Variants in CNFN observed in about 807,000 individuals in gnomAD.
CNFN encodes the protein cornefied envelope protein cornefilin.
Under a neutral mutation model 14.9 loss-of-function variants are expected in CNFN, and 10 were observed. The ratio of observed to expected loss-of-function variants is 0.67; its 90% CI spans 0.41 to 1.14. CNFN has a LOEUF of 1.14. Among genes scored for constraint, CNFN ranks in the 50% most tolerant of loss-of-function variants. The pLI is 0.00. For synonymous variants in CNFN, 66 were observed against 60.0 expected (o/e 1.10, Z -0.46); for missense variants, 165 against 152.8 (o/e 1.08, Z -0.42).
At position 42,387,360 on chromosome 19, in the gene CNFN, G is replaced by C; in HGVS notation, c.229C>G (p.Arg77Gly). The C allele has an allele frequency of 6.3e-7, 1 of 1,597,114 alleles. No homozygotes were observed. The change falls in exon 3 of 4, where the codon CGG (arginine) becomes GGG (glycine). Residue 77 changes from arginine (R) to glycine (G), a missense_variant. Physicochemically the swap from Arg to Gly is moderately radical, Grantham distance 125 (BLOSUM62 -2). Coordinates refer to ENST00000222032, the MANE Select transcript of CNFN (RefSeq NM_032488.4). The stretch of plus-strand genomic sequence containing the variant: ...CGCACCTGGATGTGGTAGCGCTCCC[G>C]CATGCCGGTGCGGATGGAGTGCAGG... ...GGLHSIRTGMRERYHIQGSVG... is the reference protein window; with the variant it reads ...GGLHSIRTGMGERYHIQGSVG...
Position 42,387,440 on chromosome 19 carries a change from C to G in CNFN, c.149G>C (p.Cys50Ser). The G allele has an allele frequency of 1.3e-6, 2 of 1,597,924 alleles. No homozygotes were observed. The highest frequency in any genetic ancestry group is 1.7e-6 in the Non-Finnish European group (2 of 1,173,906). Reference sequence around the variant, plus strand: ...CTCGCCAAAGTCGTCGGAGATGCGGCAGGCAAGGCACAGAGGAGCAAAAGT... The same window carrying G: ...CTCGCCAAAGTCGTCGGAGATGCGGGAGGCAAGGCACAGAGGAGCAAAAGT... Reference protein sequence around the residue: ...CGTFAPLCLACRISDDFGECC... With the variant: ...CGTFAPLCLASRISDDFGECC... The change falls in exon 3 of 4, where the codon TGC becomes TCC. Residue 50 changes from cysteine (C) to serine (S), a missense_variant. Coordinates refer to ENST00000222032, the MANE Select transcript of CNFN (RefSeq NM_032488.4).
rs944942347 is a variant in CNFN, at chr19:42,388,938, C to T, written c.100G>A (p.Asp34Asn). Reference sequence around the variant, plus strand: ...GGCAGGCACTCACAGACAGGCATGTCGTTGCAGCAGTCCGTGAGACCTGTG... The same window carrying T: ...GGCAGGCACTCACAGACAGGCATGTTGTTGCAGCAGTCCGTGAGACCTGTG... ...WHTGLTDCCN[D>N]MPVCLCGTFA... Residue 34 changes from aspartate (D) to asparagine (N), a missense_variant, in exon 2 of 4, where the codon GAC becomes AAC. Transcript: ENST00000222032. 4.3e-6 allele frequency: 7 copies of T among 1,612,880 alleles called. No homozygotes were observed. The highest frequency in any genetic ancestry group is 2.7e-5 in the African/African-American group (2 of 74,912).
At chr19:42,387,513 C>A in intron 2 of CNFN, 37 bp from the exon 3 acceptor site, 2 of 1,494,656 alleles carry the variant, frequency 1.3e-6, no homozygotes, top group South Asian at 1.3e-5. Flanking sequence ...CGGGGCCAGC[C>A]GGGGCCTCCC....
Position 42,389,059 on chromosome 19 carries a change from G to A in CNFN, c.-2-20C>T, listed in dbSNP as rs1347429527. 6.4e-7 allele frequency: 1 copy of A among 1,560,832 alleles called. No individual in the cohort carries two copies. The highest frequency in any genetic ancestry group is 8.8e-7 in the Non-Finnish European group (1 of 1,134,398). ...ACATAGCTGCAGAGGTGGGAGGGTAGGGGTCAGCTGGCAGCCTCGCAGCAT... is the reference window on the plus strand; with the variant it reads ...ACATAGCTGCAGAGGTGGGAGGGTAAGGGTCAGCTGGCAGCCTCGCAGCAT... On this transcript the variant is annotated intron_variant, in intron 1 of 3. Transcript: ENST00000222032.
chr19:42,389,368 C>G (rs958442151), intron 1 of CNFN: 1 of 883,696 alleles, frequency 1.1e-6, no homozygotes, highest in African/African-American at 1.7e-5. Context: ...TGGGTTGCAG[C>G]ATTTCTGGGG....
Position 42,387,437 on chromosome 19 carries a change from C to A in CNFN, c.152G>T (p.Arg51Leu). 6.3e-7 allele frequency: 1 copy of A among 1,598,742 alleles called. No homozygotes were observed. Among genetic ancestry groups the A allele is most frequent in the Middle Eastern group, 2.3e-4 (1 of 4,440 alleles). Residue 51 changes from arginine to leucine, a missense_variant, in exon 3 of 4, where the codon CGC (arginine) becomes CTC (leucine). Arg to Leu is a moderately radical substitution (Grantham distance 102, BLOSUM62 -2). Coordinates refer to ENST00000222032, the MANE Select transcript of CNFN (RefSeq NM_032488.4). Reference sequence around the variant, plus strand: ...GCACTCGCCAAAGTCGTCGGAGATGCGGCAGGCAAGGCACAGAGGAGCAAA... The same window carrying A: ...GCACTCGCCAAAGTCGTCGGAGATGAGGCAGGCAAGGCACAGAGGAGCAAA... ...GTFAPLCLAC[R>L]ISDDFGECCC...
Position 42,389,025 on chromosome 19 carries a change from C to G in CNFN, c.13G>C (p.Val5Leu). 6.2e-7 allele frequency: 1 copy of G among 1,613,346 alleles called. No individual in the cohort carries two copies. Among genetic ancestry groups the G allele is most frequent in the Non-Finnish European group, 8.5e-7 (1 of 1,179,644 alleles). Reference sequence around the variant, plus strand: ...GTGGCGCACTGGGGCTGACTGGTCACAGGGTAGGACATAGCTGCAGAGGTG... The same window carrying G: ...GTGGCGCACTGGGGCTGACTGGTCAGAGGGTAGGACATAGCTGCAGAGGTG... MSYPVTSQPQCATTS... is the reference protein window; with the variant it reads MSYPLTSQPQCATTS... Residue 5 changes from valine to leucine, a missense_variant, in exon 2 of 4, where the codon GTG (valine) becomes CTG (leucine). Val to Leu is a conservative substitution (Grantham distance 32). Transcript: ENST00000222032.
At chr19:42,389,565 G>T in intron 1 of CNFN, 3 of 1,288,698 alleles carry the variant, frequency 2.3e-6, no homozygotes, top group Non-Finnish European at 3.0e-6. Flanking sequence ...GACGGCAGAA[G>T]TGGCTGTGGC....
At chr19:42,387,276 C>T (rs766982874) in intron 3 of CNFN, 34 bp from the exon 4 acceptor site, 2 of 1,608,648 alleles carry the variant, frequency 1.2e-6, no homozygotes, top group South Asian at 1.1e-5. Flanking sequence ...AGGAGCCCCG[C>T]GGTGGGTCCC....
chr19:42,387,053 G>T lies in CNFN; in HGVS notation c.*100C>A. On this transcript the variant is annotated 3_prime_UTR_variant, in exon 4 of 4. Transcript: ENST00000222032. Reference sequence around the variant, plus strand: ...AGGTTTTTATTGTGGGTGTATTTCTGGCAGCGGGACAGGGGTGGTGAGGCA... The same window carrying T: ...AGGTTTTTATTGTGGGTGTATTTCTTGCAGCGGGACAGGGGTGGTGAGGCA... 2 of 1,178,354 alleles carry T rather than the reference G, an allele frequency of 1.7e-6. No homozygotes were observed. Among genetic ancestry groups the T allele is most frequent in the Non-Finnish European group, 2.5e-6 (2 of 795,220 alleles). 73.0% of individuals were successfully genotyped at this position (1,178,354 alleles called of 1,614,324 possible).
At position 42,387,088 on chromosome 19, in the gene CNFN, A is replaced by G. The variant is rs980823296; in HGVS notation, c.*65T>C. The G allele has an allele frequency of 4.6e-6, 7 of 1,520,694 alleles. No individual in the cohort carries two copies. Among genetic ancestry groups the G allele is most frequent in the Non-Finnish European group, 6.4e-6 (7 of 1,095,720 alleles). 94.2% of individuals were successfully genotyped at this position (1,520,694 alleles called of 1,614,324 possible). A position where few individuals can be genotyped will look rare whatever the true frequency, so the allele number is the denominator to read the frequency against. ...CAGGGGTGGTGAGGCAGTCCCTCCC[A>G]GGAGTGGCCAGAGAAGGCCAGAGGC... is the stretch of plus-strand genomic sequence containing the variant. On this transcript the variant is annotated 3_prime_UTR_variant, in exon 4 of 4. Transcript: ENST00000222032.
intron 2 of CNFN, 92 bp downstream of exon 2, chr19:42,388,834 G>C: frequency 1.2e-6 from 1 of 845,450 alleles, no homozygotes; most frequent in South Asian, 1.6e-5. Flanking sequence ...GTTAGCAAGC[G>C]GTGGGAGGAG....
intron 2 of CNFN, among the ~76,000 whole-genome samples, chr19:42,387,986 AAC>A (rs1491084492): frequency 7.2e-5 from 10 of 138,714 alleles, no homozygotes; most frequent in South Asian, 6.7e-4. Context: ...TCTCAAAAAA[AAC>A]AAAAAACAAA....
intron 1 of CNFN, 110 bp from the exon 2 acceptor site, chr19:42,389,149 C>A: frequency 1.3e-6 from 1 of 784,560 alleles, no homozygotes; most frequent in South Asian, 1.7e-5. Context: ...GCCGCCAGGC[C>A]GCCCACTGAA....
At position 42,388,939 on chromosome 19, in the gene CNFN, G is replaced by A. The variant is rs139046031; in HGVS notation, c.99C>T (p.Asn33=). 18,961 of 1,612,966 alleles carry A rather than the reference G, an allele frequency of 0.012. 174 individuals carry two copies. Among genetic ancestry groups the A allele is most frequent in the Middle Eastern group, 0.084 (508 of 6,056 alleles). Residue 33 remains asparagine, a synonymous_variant, in exon 2 of 4, where the codon AAC becomes AAT. Transcript: ENST00000222032. ...DWHTGLTDCC[N]DMPVCLCGTF... Reference sequence around the variant, plus strand: ...GCAGGCACTCACAGACAGGCATGTCGTTGCAGCAGTCCGTGAGACCTGTGT... The same window carrying A: ...GCAGGCACTCACAGACAGGCATGTCATTGCAGCAGTCCGTGAGACCTGTGT...
At chr19:42,388,181 C>A (rs1046514478) in intron 2 of CNFN, among the ~76,000 whole-genome samples, 2 of 151,714 alleles carry the variant, frequency 1.3e-5, no homozygotes, top group Admixed American at 6.6e-5. Flanking sequence ...GCCACCACCT[C>A]GGGCTAATTT....
chr19:42,387,271 C>T (rs547537932), intron 3 of CNFN, 29 bp from the exon 4 acceptor site: 2 of 1,609,680 alleles, frequency 1.2e-6, no homozygotes, highest in Non-Finnish European at 1.7e-6. Flanking sequence ...CGGTCAGGAG[C>T]CCCGCGGTGG....
At chr19:42,389,783 C>T (rs2039884696) in intron 1 of CNFN, among the ~76,000 whole-genome samples, 1 of 152,190 alleles carries the variant, frequency 6.6e-6, no homozygotes, top group Non-Finnish European at 1.5e-5. Context: ...CGACAGATTG[C>T]AGAGGACCCT....
At chr19:42,388,805 G>A in intron 2 of CNFN, 121 bp downstream of exon 2, 1 of 665,072 alleles carries the variant, frequency 1.5e-6, no homozygotes, top group East Asian at 2.8e-5. Context: ...CAAGTCCAGG[G>A]AAGGGAGGTG....
Sources: gnomAD v4.1 joint callset for allele counts (sites outside exome capture counted in the v4.1 genomes callset) on GRCh38, gnomAD v4.1.1 for gene constraint, MANE v1.5 for transcripts, NCBI Gene and HGNC (gene_info 2026-07-23, HGNC 2026-07-21) for gene names.